Variants in ARHGEF7 observed in about 807,000 individuals in gnomAD.
The protein encoded by ARHGEF7 is PAK-interacting exchange factor beta.
In ARHGEF7, 33 loss-of-function variants were observed where a neutral mutation model predicts 109.8. The ratio of observed to expected loss-of-function variants is 0.30; its 90% confidence interval spans 0.23 to 0.40. ARHGEF7 has a LOEUF of 0.40. Among genes scored for constraint, ARHGEF7 ranks in the 10% least tolerant of loss-of-function variants. ARHGEF7 has a pLI of 1.00. For synonymous variants in ARHGEF7, 458 were observed against 424.6 expected, an observed-to-expected ratio of 1.08 and a Z score of -0.97; for missense variants, 938 against 1,098.5, an observed-to-expected ratio of 0.85 and a Z score of 2.07.
rs961017351 is a variant in ARHGEF7, at chr13:111,304,590, T to G, written c.*1477T>G. ...CCTTTAACTGCACCTGAATCCTTTGTGTACTGATGCCTTTGAGCTGGGCAC... is the reference window on the plus strand; with the variant it reads ...CCTTTAACTGCACCTGAATCCTTTGGGTACTGATGCCTTTGAGCTGGGCAC... On this transcript the variant is annotated 3_prime_UTR_variant, in exon 22 of 22. Transcript: ENST00000646102. 9 of 152,284 alleles carry G rather than the reference T, an allele frequency of 5.9e-5. No homozygotes were observed. Among genetic ancestry groups the G allele is most frequent in the African/African-American group, 2.2e-4 (9 of 41,470 alleles). 9.4% of individuals were successfully genotyped at this position (152,284 alleles called of 1,614,324 possible). A position where few individuals can be genotyped will look rare whatever the true frequency, so the allele number is the denominator to read the frequency against.
At chr13:111,253,701 T>C (rs2090069170) in intron 8 of ARHGEF7, among the ~76,000 whole-genome samples, 1 of 152,176 alleles carries the variant, frequency 6.6e-6, no homozygotes, top group South Asian at 2.1e-4. Context: ...CTAAGCTTGT[T>C]GTGTGTAACT....
intron 13 of ARHGEF7, among the ~76,000 whole-genome samples, chr13:111,279,919 T>A (rs1219309627): frequency 1.3e-5 from 2 of 152,230 alleles, no homozygotes; most frequent in Non-Finnish European, 2.9e-5. Flanking sequence ...TGCAAAAACA[T>A]CATTTAAAAC....
At chr13:111,141,802 T>C (rs1156878063) in intron 1 of ARHGEF7, among the ~76,000 whole-genome samples, 1 of 152,222 alleles carries the variant, frequency 6.6e-6, no homozygotes, top group African/African-American at 2.4e-5. Context: ...CAGGGTTTTG[T>C]GTGGACATAC....
chr13:111,135,209 A>G (rs2075025037), intron 1 of ARHGEF7, among the ~76,000 whole-genome samples: 2 of 152,262 alleles, frequency 1.3e-5, no homozygotes, highest in African/African-American at 2.4e-5. Context: ...GTAGCCTTGT[A>G]GTATAGTTTG....
rs1364835223 is a variant in ARHGEF7 at position 111,217,885 on chromosome 13, G to A, written c.670+5G>A. 1.9e-6 allele frequency: 3 copies of A among 1,608,700 alleles called. No homozygotes were observed. In the African/African-American group the frequency reaches 4.0e-5, roughly 21 times the overall value. On this transcript the variant is annotated splice_donor_5th_base_variant and intron_variant, in intron 5 of 21. Coordinates refer to ENST00000646102, the MANE Select transcript of ARHGEF7 (RefSeq NM_001354046.2). The stretch of plus-strand genomic sequence containing the variant: ...TGCGCGAGGTCAAGGCCAGCGGTAA[G>A]TGGCCGAGCCTGGGCTGTGTGTGGC...
chr13:111,275,549 C>A lies in ARHGEF7; in HGVS notation c.1290C>A (p.Val430=). The change falls in exon 12 of 22, where the codon GTC becomes GTA. Residue 430 remains valine, a synonymous_variant. Coordinates refer to ENST00000646102, the MANE Select transcript of ARHGEF7 (RefSeq NM_001354046.2). ...FKNLSAQCQE[V]RKRKELELQI... ...TCTGTCAGGCCCAATGTCAAGAAGT[C>A]CGGAAGAGGAAAGAGCTTGAGCTGC... The A allele has an allele frequency of 1.2e-6, 2 of 1,613,866 alleles. No individual in the cohort carries two copies. Among genetic ancestry groups the A allele is most frequent in the Non-Finnish European group, 1.7e-6 (2 of 1,179,902 alleles).
rs372374003 is a variant in ARHGEF7 at position 111,255,619 on chromosome 13, G to T, written c.950+11325G>T. ...ACTTCAGTTGTGAAAATGTAACTTC[G>T]CACTGGCTTTGGAGGGCCCTGAGTG... is the stretch of plus-strand genomic sequence containing the variant. On this transcript the variant is annotated intron_variant, in intron 8 of 21. Transcript: ENST00000646102. This position sits in a 1 kb window ranked among gnomAD's most constrained non-coding sequence, Gnocchi z 4.1. Among the ~76,000 whole-genome samples, 3 of 152,208 alleles carry T rather than the reference G, an allele frequency of 2.0e-5. No homozygotes were observed. Among genetic ancestry groups the T allele is most frequent in the African/African-American group, 4.8e-5 (2 of 41,460 alleles).
At position 111,300,784 on chromosome 13, in the gene ARHGEF7, C is replaced by T; in HGVS notation, c.2348C>T (p.Pro783Leu). The T allele has an allele frequency of 6.2e-7, 1 of 1,611,310 alleles. No individual in the cohort carries two copies. The highest frequency in any genetic ancestry group is 2.2e-5 in the East Asian group (1 of 44,782). The change falls in exon 20 of 22, where the codon CCA becomes CTA. Residue 783 changes from proline to leucine, a missense_variant. Around this residue, in one of 4 missense-constraint regions of ARHGEF7, gnomAD observed 166 missense variants for 167.3 expected, o/e 0.99. Coordinates refer to ENST00000646102, the MANE Select transcript of ARHGEF7 (RefSeq NM_001354046.2). Reference protein sequence around the residue: ...RKESAPQVLLPEEEKIIVEET... With the variant: ...RKESAPQVLLLEEEKIIVEET... ...GAATCTGCTCCACAAGTTTTGCTTC[C>T]AGAAGAAGAGAAAATTATAGTGGAA...
intron 2 of ARHGEF7, among the ~76,000 whole-genome samples, chr13:111,191,311 T>C (rs2079861777): frequency 6.6e-6 from 1 of 152,116 alleles, no homozygotes; most frequent in African/African-American, 2.4e-5. Flanking sequence ...ACAGGTTGCA[T>C]TGGATGCATA....
In ARHGEF7 at chr13:111,304,412, A is replaced by G. The variant is rs929160433; in HGVS notation, c.*1299A>G. On this transcript the variant is annotated 3_prime_UTR_variant, in exon 22 of 22. Coordinates refer to ENST00000646102, the MANE Select transcript of ARHGEF7 (RefSeq NM_001354046.2). Reference sequence around the variant, plus strand: ...TTTGCTTTTGGTTTCCTTTCCTGTGAAAAGGTTGGTTTTAAAGTGAGATAC... The same window carrying G: ...TTTGCTTTTGGTTTCCTTTCCTGTGGAAAGGTTGGTTTTAAAGTGAGATAC... 1 of 152,234 alleles carries G rather than the reference A, an allele frequency of 6.6e-6. No homozygotes were observed. The highest frequency in any genetic ancestry group is 2.4e-5 in the African/African-American group (1 of 41,456). The allele number at this position is 152,234 out of a possible 1,614,324, so 9.4% of individuals were successfully genotyped here.
chr13:111,199,594 T>C (rs2080974564), intron 2 of ARHGEF7, among the ~76,000 whole-genome samples: 1 of 152,146 alleles, frequency 6.6e-6, no homozygotes, highest in Admixed American at 6.5e-5. Flanking sequence ...GAGTCCTCCT[T>C]TTGTCAGGTG....
intron 19 of ARHGEF7, among the ~76,000 whole-genome samples, chr13:111,297,582 CA>C (rs1203691256): frequency 2.0e-5 from 3 of 152,184 alleles, no homozygotes; most frequent in Non-Finnish European, 2.9e-5. Context: ...ATCCTCAGAA[CA>C]GCTCCAGAGA....
intron 2 of ARHGEF7, among the ~76,000 whole-genome samples, chr13:111,193,732 T>C (rs2080171723): frequency 6.6e-6 from 1 of 152,256 alleles, no homozygotes; most frequent in Admixed American, 6.5e-5. Flanking sequence ...ACCTGCCCTT[T>C]GTATTCCATT....
At position 111,235,024 on chromosome 13, in the gene ARHGEF7, A is replaced by AG. The variant is rs148636483; in HGVS notation, c.759+1733dup. On this transcript the variant is annotated intron_variant, in intron 6 of 21. Coordinates refer to ENST00000646102, the MANE Select transcript of ARHGEF7 (RefSeq NM_001354046.2). ...ACAGTAGATGGGTTTTATGGGTTGT[A>AG]GGAAAACTTGAGTTTTAACTCCTGG... Among the ~76,000 whole-genome samples, 410 of 152,314 alleles carry AG rather than the reference A, an allele frequency of 2.7e-3. 1 individual carries two copies. Among genetic ancestry groups the AG allele is most frequent in the African/African-American group, 9.4e-3 (391 of 41,582 alleles).
chr13:111,235,284 C>T (rs1183566214), intron 6 of ARHGEF7, among the ~76,000 whole-genome samples: 2 of 152,224 alleles, frequency 1.3e-5, no homozygotes, highest in Non-Finnish European at 2.9e-5. Context: ...CTTTATAAAA[C>T]CAGGCAACCA....
intron 1 of ARHGEF7, among the ~76,000 whole-genome samples, chr13:111,119,484 G>A (rs1363828438): frequency 1.3e-5 from 2 of 152,224 alleles, no homozygotes; most frequent in Non-Finnish European, 2.9e-5. Flanking sequence ...AATGTAACTC[G>A]AAAGACAAGA....
chr13:111,184,627 G>T (rs1283932085), intron 2 of ARHGEF7, among the ~76,000 whole-genome samples: 4 of 152,236 alleles, frequency 2.6e-5, no homozygotes, highest in Non-Finnish European at 5.9e-5. Flanking sequence ...GCTGCATTCA[G>T]CTGGAGGGAG....
At chr13:111,300,686 T>C in intron 19 of ARHGEF7, 62 bp from the exon 20 acceptor site, 1 of 1,174,088 alleles carries the variant, frequency 8.5e-7, no homozygotes, top group Non-Finnish European at 1.2e-6. Flanking sequence ...AGTCAAGTTG[T>C]TTTTCTTCAT....
intron 6 of ARHGEF7, among the ~76,000 whole-genome samples, chr13:111,243,158 T>C (rs2088109233): frequency 6.6e-6 from 1 of 152,226 alleles, no homozygotes; most frequent in Admixed American, 6.5e-5. Context: ...GAGACTGTCA[T>C]ATTCACTAGG....
Sources: allele counts gnomAD v4.1 joint callset (sites outside exome capture counted in the v4.1 genomes callset), GRCh38; gene constraint gnomAD v4.1.1; regional missense constraint gnomAD v4.1.1; non-coding constraint Gnocchi (gnomAD v3.1); transcripts MANE v1.5; gene names NCBI Gene and HGNC (gene_info 2026-07-23, HGNC 2026-07-21).